RPS23: variants seen among roughly 807,000 people sequenced by gnomAD.
The protein encoded by RPS23 is ribosomal protein S23, also known as small ribosomal subunit protein uS12.
For synonymous variants in RPS23, 66 were observed against 60.4 expected, an observed-to-expected ratio of 1.09 and a Z score of -0.43; for missense variants, 73 against 174.5, an observed-to-expected ratio of 0.42 and a Z score of 3.28.
chr5:82,278,166 C>T (rs971208272), intron 1 of RPS23, 154 bp downstream of exon 1: 4 of 1,010,592 alleles, frequency 4.0e-6, no homozygotes, highest in South Asian at 1.6e-5. Flanking sequence ...CCTTCCGCGC[C>T]GGACCACGTG....
rs1169173724 is a variant in RPS23 at position 82,275,993 on chromosome 5, AG to A, written c.*115del. The A allele has an allele frequency of 1.6e-5, 16 of 971,166 alleles. No individual in the cohort carries two copies. The highest frequency in any genetic ancestry group is 2.2e-5 in the Non-Finnish European group (14 of 649,678). The allele number at this position is 971,166 out of a possible 1,614,324, so 60.2% of individuals were successfully genotyped here. ...TTGCTGGTTTAGGATAAAAAAAATA[AG>A]GGGGGGTGGTGGTGGTAATGAACAT... On this transcript the variant is annotated 3_prime_UTR_variant, in exon 4 of 4. Coordinates refer to ENST00000296674, the MANE Select transcript of RPS23 (RefSeq NM_001025.5).
chr5:82,275,258 A>G lies in RPS23; in HGVS notation c.*851T>C, dbSNP rs766202856. On this transcript the variant is annotated 3_prime_UTR_variant, in exon 4 of 4. Coordinates refer to ENST00000296674, the MANE Select transcript of RPS23 (RefSeq NM_001025.5). ...ATCAGATTTAAAGCAGAAGGCTCAC[A>G]GCTTCATTTCAACCATGCCACTGTA... is the stretch of plus-strand genomic sequence containing the variant. 22 of 702,530 alleles carry G rather than the reference A, an allele frequency of 3.1e-5. No homozygotes were observed. Among genetic ancestry groups the G allele is most frequent in the South Asian group, 3.1e-4 (21 of 67,614 alleles). 43.5% of individuals were successfully genotyped at this position (702,530 alleles called of 1,614,324 possible).
chr5:82,276,434 G>C lies in RPS23; in HGVS notation c.249C>G (p.Ala83=). 1 of 1,613,946 alleles carries C rather than the reference G, an allele frequency of 6.2e-7. No individual in the cohort carries two copies. Among genetic ancestry groups the C allele is most frequent in the Non-Finnish European group, 8.5e-7 (1 of 1,179,884 alleles). Residue 83 remains alanine (A), a synonymous_variant, in exon 3 of 4, where the codon GCC becomes GCG. Coordinates refer to ENST00000296674, the MANE Select transcript of RPS23 (RefSeq NM_001025.5). ...TCAAGCAACCGTCATTGGGTACAAA[G>C]GCTGTGATTTTCTTGCCATTCTTGA... ...QLIKNGKKIT[A]FVPNDGCLNF... is the part of the protein sequence containing the mutation.
chr5:82,275,993 AGG>A lies in RPS23; in HGVS notation c.*114_*115del. On this transcript the variant is annotated 3_prime_UTR_variant, in exon 4 of 4. Transcript: ENST00000296674. ...TTGCTGGTTTAGGATAAAAAAAATA[AGG>A]GGGGGTGGTGGTGGTAATGAACATG... 1.0e-6 allele frequency: 1 copy of A among 971,238 alleles called. No homozygotes were observed. Among genetic ancestry groups the A allele is most frequent in the South Asian group, 1.7e-5 (1 of 59,348 alleles). 60.2% of individuals were successfully genotyped at this position (971,238 alleles called of 1,614,324 possible). A position where few individuals can be genotyped will look rare whatever the true frequency, so the allele number is the denominator to read the frequency against.
rs1747760124 is a variant in RPS23, at chr5:82,275,781, G to C, written c.*328C>G. The C allele has an allele frequency of 3.6e-6, 1 of 278,124 alleles. No homozygotes were observed. The highest frequency in any genetic ancestry group is 1.0e-4 in the South Asian group (1 of 9,792). The allele number at this position is 278,124 out of a possible 1,614,324, so 17.2% of individuals were successfully genotyped here. ...GAAAGTATCTCACTAGAATTTCAGT[G>C]AGTTTTTGAAGTTCCCTTAAAGTTC... On this transcript the variant is annotated 3_prime_UTR_variant, in exon 4 of 4. Coordinates refer to ENST00000296674, the MANE Select transcript of RPS23 (RefSeq NM_001025.5).
At position 82,275,383 on chromosome 5, in the gene RPS23, C is replaced by G. The variant is rs1747751284; in HGVS notation, c.*726G>C. ...AAACACAACCAATCTTGTCTCTACACTAAACCACTTCATTTGCTGACTAGT... is the reference window on the plus strand; with the variant it reads ...AAACACAACCAATCTTGTCTCTACAGTAAACCACTTCATTTGCTGACTAGT... On this transcript the variant is annotated 3_prime_UTR_variant, in exon 4 of 4. Coordinates refer to ENST00000296674, the MANE Select transcript of RPS23 (RefSeq NM_001025.5). 1 of 696,604 alleles carries G rather than the reference C, an allele frequency of 1.4e-6. No individual in the cohort carries two copies. Among genetic ancestry groups the G allele is most frequent in the Non-Finnish European group, 2.6e-6 (1 of 381,512 alleles). 43.2% of individuals were successfully genotyped at this position (696,604 alleles called of 1,614,324 possible). A position where few individuals can be genotyped will look rare whatever the true frequency, so the allele number is the denominator to read the frequency against.
intron 1 of RPS23, 109 bp from the exon 2 acceptor site, chr5:82,277,961 CG>C: frequency 9.8e-7 from 1 of 1,023,132 alleles, no homozygotes. Flanking sequence ...GATTGGCTCT[CG>C]TACTATTTAT....
rs778202370 is a variant in RPS23, at chr5:82,277,674, A to C, written c.164+19T>G. On this transcript the variant is annotated intron_variant, in intron 2 of 3. Coordinates refer to ENST00000296674, the MANE Select transcript of RPS23 (RefSeq NM_001025.5). Reference sequence around the variant, plus strand: ...AATTCCTATAATAAACTAAAACTTGACGGGAGCAATGGACTTACACTTTTT... The same window carrying C: ...AATTCCTATAATAAACTAAAACTTGCCGGGAGCAATGGACTTACACTTTTT... 2.8e-5 allele frequency: 45 copies of C among 1,611,978 alleles called. No individual in the cohort carries two copies. The highest frequency in any genetic ancestry group is 3.6e-5 in the Non-Finnish European group (43 of 1,178,732).
In RPS23 at chr5:82,275,956, C is replaced by T; in HGVS notation, c.*153G>A. The stretch of plus-strand genomic sequence containing the variant: ...GTCTTATTGTCTCCTAAAATTGGTA[C>T]AGGTCCTGCGTTTGCTGGTTTAGGA... On this transcript the variant is annotated 3_prime_UTR_variant, in exon 4 of 4. Coordinates refer to ENST00000296674, the MANE Select transcript of RPS23 (RefSeq NM_001025.5). 1.5e-6 allele frequency: 1 copy of T among 667,298 alleles called. No individual in the cohort carries two copies. Among genetic ancestry groups the T allele is most frequent in the East Asian group, 2.7e-5 (1 of 36,788 alleles). 41.3% of individuals were successfully genotyped at this position (667,298 alleles called of 1,614,324 possible). A position where few individuals can be genotyped will look rare whatever the true frequency, so the allele number is the denominator to read the frequency against.
At position 82,275,194 on chromosome 5, in the gene RPS23, T is replaced by A; in HGVS notation, c.*915A>T. The A allele has an allele frequency of 2.8e-6, 2 of 702,396 alleles. No homozygotes were observed. The highest frequency in any genetic ancestry group is 3.0e-5 in the South Asian group (2 of 67,508). 43.5% of individuals were successfully genotyped at this position (702,396 alleles called of 1,614,324 possible). A position where few individuals can be genotyped will look rare whatever the true frequency, so the allele number is the denominator to read the frequency against. On this transcript the variant is annotated 3_prime_UTR_variant, in exon 4 of 4. Coordinates refer to ENST00000296674, the MANE Select transcript of RPS23 (RefSeq NM_001025.5). Reference sequence around the variant, plus strand: ...AGCTAGGCTTTGATCAAAGGGCTAATTAACCCATACTTACTATTTGTTAAC... The same window carrying A: ...AGCTAGGCTTTGATCAAAGGGCTAAATAACCCATACTTACTATTTGTTAAC...
At position 82,275,177 on chromosome 5, in the gene RPS23, T is replaced by A. The variant is rs1026935676; in HGVS notation, c.*932A>T. 4.0e-5 allele frequency: 28 copies of A among 701,122 alleles called. No individual in the cohort carries two copies. In the East Asian group the frequency reaches 7.5e-4, roughly 19 times the overall value. The allele number at this position is 701,122 out of a possible 1,614,324, so 43.4% of individuals were successfully genotyped here. On this transcript the variant is annotated 3_prime_UTR_variant, in exon 4 of 4. Transcript: ENST00000296674. ...GATCCTAAACAATGTAAAGCTAGGC[T>A]TTGATCAAAGGGCTAATTAACCCAT...
At position 82,278,334 on chromosome 5, in the gene RPS23, C is replaced by T. The variant is rs774996308; in HGVS notation, c.-11G>A. 8.7e-6 allele frequency: 14 copies of T among 1,609,046 alleles called. No individual in the cohort carries two copies. The highest frequency in any genetic ancestry group is 2.2e-5 in the South Asian group (2 of 90,088). On this transcript the variant is annotated 5_prime_UTR_variant, in exon 1 of 4. Transcript: ENST00000296674. ...CAACAGCTCACCCATCCTGTCGGCG[C>T]CACGGGCCTGAGCGAAAGAGAGAAG...
chr5:82,276,055 A>G lies in RPS23; in HGVS notation c.*54T>C. 6.5e-7 allele frequency: 1 copy of G among 1,534,466 alleles called. No homozygotes were observed. The highest frequency in any genetic ancestry group is 1.2e-5 in the South Asian group (1 of 84,348). ...GTGAGAACAGGGGACAGTAAGATAC[A>G]AACATTTTTTGGCATATGAAAATTT... On this transcript the variant is annotated 3_prime_UTR_variant, in exon 4 of 4. Coordinates refer to ENST00000296674, the MANE Select transcript of RPS23 (RefSeq NM_001025.5).
intron 1 of RPS23, 118 bp from the exon 2 acceptor site, chr5:82,277,970 T>C (rs909225723): frequency 2.1e-6 from 2 of 940,324 alleles, no homozygotes; most frequent in African/African-American, 1.7e-5. Context: ...TCGTACTATT[T>C]ATTGGCCTGT....
intron 1 of RPS23, 169 bp downstream of exon 1, chr5:82,278,150 TG>T: frequency 2.2e-6 from 2 of 891,612 alleles, no homozygotes; most frequent in Non-Finnish European, 3.4e-6. Flanking sequence ...CCACGCCTCA[TG>T]GGCCCCTTCC....
At chr5:82,277,344 ACTTCT>A (rs1428264406) in intron 2 of RPS23, 1 of 324,004 alleles carries the variant, frequency 3.1e-6, no homozygotes. Flanking sequence ...GATGCAAGTC[ACTTCT>A]CTTCACCTTA....
intron 3 of RPS23, 69 bp from the exon 4 acceptor site, chr5:82,276,324 C>A (rs756879659): frequency 5.0e-6 from 8 of 1,612,428 alleles, no homozygotes; most frequent in Admixed American, 1.7e-5. Context: ...TGTGAGGAAA[C>A]TCCCTTGCAT....
chr5:82,275,206 T>C lies in RPS23; in HGVS notation c.*903A>G. The C allele has an allele frequency of 1.4e-6, 1 of 702,610 alleles. No homozygotes were observed. The highest frequency in any genetic ancestry group is 2.7e-5 in the East Asian group (1 of 37,280). 43.5% of individuals were successfully genotyped at this position (702,610 alleles called of 1,614,324 possible). A position where few individuals can be genotyped will look rare whatever the true frequency, so the allele number is the denominator to read the frequency against. Reference sequence around the variant, plus strand: ...ATCAAAGGGCTAATTAACCCATACTTACTATTTGTTAACAGGAGTTTCTTA... The same window carrying C: ...ATCAAAGGGCTAATTAACCCATACTCACTATTTGTTAACAGGAGTTTCTTA... On this transcript the variant is annotated 3_prime_UTR_variant, in exon 4 of 4. Transcript: ENST00000296674.
Position 82,276,531 on chromosome 5 carries a change from A to G in RPS23, c.165-13T>C, listed in dbSNP as rs778108284. On this transcript the variant is annotated splice_polypyrimidine_tract_variant and intron_variant, in intron 2 of 3. Coordinates refer to ENST00000296674, the MANE Select transcript of RPS23 (RefSeq NM_001025.5). ...GGCTTCAACTCCTCTGAAATACAAA[A>G]GGCACAGCACTGTGAGCTGGCTTTC... 3 of 1,613,940 alleles carry G rather than the reference A, an allele frequency of 1.9e-6. No individual in the cohort carries two copies. In the South Asian group the frequency reaches 3.3e-5, roughly 18 times the overall value.
Sources: allele counts gnomAD v4.1 joint callset, GRCh38; gene constraint gnomAD v4.1.1; transcripts MANE v1.5; gene names NCBI Gene and HGNC (gene_info 2026-07-23, HGNC 2026-07-21).